Variants in STAG1 observed in about 807,000 individuals in gnomAD.
STAG1 encodes the protein STAG1 cohesin complex component.
Under a neutral mutation model 170.9 loss-of-function variants are expected in STAG1, and 26 were observed. That is an observed-to-expected ratio of 0.15 (90% CI 0.11 to 0.21). The LOEUF (loss-of-function observed/expected upper bound fraction) is 0.21. Ranked by LOEUF, STAG1 falls within the 10% of genes least tolerant of loss-of-function variation. STAG1 has a pLI of 1.00. For synonymous variants in STAG1, 514 were observed against 497.7 expected (o/e 1.03, Z -0.44); for missense variants, 964 against 1,509.5 (o/e 0.64, Z 5.99).
At chr3:136,645,859 CA>C (rs1940990529) in intron 1 of STAG1, among the ~76,000 whole-genome samples, 1 of 152,204 alleles carries the variant, frequency 6.6e-6, no homozygotes, top group Non-Finnish European at 1.5e-5. Flanking sequence ...CTGCTCCTCA[CA>C]TTCACTGAAG....
At chr3:136,638,662 G>A (rs772485407) in intron 1 of STAG1, among the ~76,000 whole-genome samples, 26 of 152,046 alleles carry the variant, frequency 1.7e-4, no homozygotes, top group Non-Finnish European at 2.8e-4. Flanking sequence ...CAGCACTTTG[G>A]GAGGCCTAGG....
intron 5 of STAG1, among the ~76,000 whole-genome samples, chr3:136,564,516 G>A (rs1936978022): frequency 6.6e-6 from 1 of 152,102 alleles, no homozygotes; most frequent in Non-Finnish European, 1.5e-5. Context: ...CTTTTCATAT[G>A]TTCTAAGATA....
chr3:136,650,247 AAAAG>A (rs916021891), intron 1 of STAG1, among the ~76,000 whole-genome samples: 1 of 151,854 alleles, frequency 6.6e-6, no homozygotes, highest in Non-Finnish European at 1.5e-5. Context: ...AAAAAAAAAA[AAAAG>A]AGAGAGAGAC....
intron 6 of STAG1, among the ~76,000 whole-genome samples, chr3:136,526,119 G>A (rs992652496): frequency 6.6e-6 from 1 of 152,128 alleles, no homozygotes; most frequent in Non-Finnish European, 1.5e-5. Context: ...ATTCTGCTTG[G>A]TGCAGAGCTG....
chr3:136,614,408 A>T (rs1007934127), intron 3 of STAG1, among the ~76,000 whole-genome samples: 1 of 152,198 alleles, frequency 6.6e-6, no homozygotes, highest in African/African-American at 2.4e-5. Flanking sequence ...ACTGCAGGTA[A>T]TTCAAGGGAC....
intron 1 of STAG1, among the ~76,000 whole-genome samples, chr3:136,637,328 T>C (rs1460800176): frequency 6.6e-6 from 1 of 152,158 alleles, no homozygotes. Flanking sequence ...GTAGGAAACA[T>C]TAAGACTCAA....
chr3:136,612,467 T>C (rs1363140956), intron 3 of STAG1, among the ~76,000 whole-genome samples: 3 of 150,988 alleles, frequency 2.0e-5, no homozygotes, highest in Admixed American at 6.6e-5. Flanking sequence ...ATTTATCAAT[T>C]GACAAGAAAT....
intron 3 of STAG1, among the ~76,000 whole-genome samples, chr3:136,618,098 T>A (rs1304405547): frequency 6.6e-6 from 1 of 152,228 alleles, no homozygotes; most frequent in Non-Finnish European, 1.5e-5. Context: ...CTTCTACTTT[T>A]AAACTTAACT....
intron 3 of STAG1, among the ~76,000 whole-genome samples, chr3:136,611,153 A>T (rs1576665390): frequency 6.6e-6 from 1 of 151,428 alleles, no homozygotes; most frequent in Non-Finnish European, 1.5e-5. Flanking sequence ...ATTTTACATA[A>T]TTTTTTTTTC....
chr3:136,740,390 A>G (rs1477482338), intron 1 of STAG1, among the ~76,000 whole-genome samples: 5 of 152,226 alleles, frequency 3.3e-5, no homozygotes, highest in Admixed American at 3.3e-4. Flanking sequence ...CTCACCAGTA[A>G]AAGGGGGATA....
intron 14 of STAG1, among the ~76,000 whole-genome samples, chr3:136,444,167 G>A (rs757958047): frequency 6.6e-6 from 1 of 151,766 alleles, no homozygotes; most frequent in Non-Finnish European, 1.5e-5. Flanking sequence ...TCCACCTCCT[G>A]CGTTCAAGTG....
At chr3:136,540,026 G>C (rs941212131) in intron 6 of STAG1, among the ~76,000 whole-genome samples, 1 of 151,742 alleles carries the variant, frequency 6.6e-6, no homozygotes, top group Non-Finnish European at 1.5e-5. Flanking sequence ...CTTGTCATCA[G>C]ATCTTTTAGA....
chr3:136,644,365 C>T (rs746954739), intron 1 of STAG1, among the ~76,000 whole-genome samples: 57 of 152,098 alleles, frequency 3.7e-4, no homozygotes, highest in Non-Finnish European at 7.4e-4. Flanking sequence ...ACACTTTTAT[C>T]ACTGCTCACT....
intron 15 of STAG1, among the ~76,000 whole-genome samples, chr3:136,439,901 CCCAAG>C (rs890096209): frequency 1.3e-5 from 2 of 152,134 alleles, no homozygotes; most frequent in African/African-American, 2.4e-5. Context: ...ACCAACCAAA[CCCAAG>C]CCAAGCCAAA....
intron 20 of STAG1, among the ~76,000 whole-genome samples, chr3:136,418,197 T>C (rs540337292): frequency 6.6e-6 from 1 of 151,142 alleles, no homozygotes; most frequent in South Asian, 2.1e-4. Flanking sequence ...CTATTAAAAA[T>C]ACACACAAAA....
rs139253443 is a variant in STAG1, at chr3:136,507,448, C to T, written c.677-4669G>A. ...GTGCAATCACAGCTCCCTGCAGCCT[C>T]GACCCCCACCAGGCTCAAGTGATCC... On this transcript the variant is annotated intron_variant, in intron 7 of 33. Transcript: ENST00000383202. Among the ~76,000 whole-genome samples, 513 of 152,200 alleles carry T rather than the reference C, an allele frequency of 3.4e-3. 8 individuals are homozygous for T. In the East Asian group the frequency reaches 0.048, roughly 14 times the overall value.
intron 4 of STAG1, among the ~76,000 whole-genome samples, chr3:136,589,277 T>C (rs1234244115): frequency 2.0e-5 from 3 of 152,044 alleles, no homozygotes; most frequent in African/African-American, 7.2e-5. Context: ...GGCGGGCAGA[T>C]GACCTGAGGT....
In STAG1 at chr3:136,478,273, C is replaced by T. The variant is rs139942843; in HGVS notation, c.903-861G>A. 2.1e-3 allele frequency among the ~76,000 whole-genome samples: 315 copies of T among 152,228 alleles called. 1 individual carries two copies. Among genetic ancestry groups the T allele is most frequent in the African/African-American group, 4.8e-3 (201 of 41,544 alleles). On this transcript the variant is annotated intron_variant, in intron 9 of 33. Transcript: ENST00000383202. ...ACTGCGAAGTCATGGCAGAACAACC[C>T]GAAAAGTCAGAATTCTGGCTCATTG...
At chr3:136,339,673 ACT>A (rs1327947765) in intron 32 of STAG1, among the ~76,000 whole-genome samples, 3 of 152,188 alleles carry the variant, frequency 2.0e-5, no homozygotes, top group South Asian at 4.1e-4. Flanking sequence ...GTCTTGTTCC[ACT>A]GAGTCTCACT....
Sources: gnomAD v4.1 joint callset for allele counts (sites outside exome capture counted in the v4.1 genomes callset) on GRCh38, gnomAD v4.1.1 for gene constraint, MANE v1.5 for transcripts, NCBI Gene and HGNC (gene_info 2026-07-23, HGNC 2026-07-21) for gene names.